CDH13: variants seen among roughly 807,000 people sequenced by gnomAD.
CDH13 encodes cadherin-13.
Under a neutral mutation model 63.8 loss-of-function variants are expected in CDH13, and 24 were observed. The ratio of observed to expected loss-of-function variants is 0.38; its 90% CI spans 0.27 to 0.53. CDH13 has a LOEUF of 0.53. Among genes scored for constraint, CDH13 ranks in the 20% least tolerant of loss-of-function variants. CDH13 has a pLI of 0.85. For synonymous variants in CDH13, 503 were observed against 355.3 expected (o/e 1.42, Z -4.67); for missense variants, 1,049 against 903.1 (o/e 1.16, Z -2.07).
At chr16:83,240,525 G>T (rs1256461304) in intron 5 of CDH13, among the ~76,000 whole-genome samples, 1 of 152,084 alleles carries the variant, frequency 6.6e-6, no homozygotes, top group East Asian at 1.9e-4. Flanking sequence ...CATGGCCAAG[G>T]TGGAGGTGAT....
intron 5 of CDH13, among the ~76,000 whole-genome samples, chr16:83,320,725 C>T (rs1299934041): frequency 6.6e-6 from 1 of 152,120 alleles, no homozygotes; most frequent in Non-Finnish European, 1.5e-5. Flanking sequence ...GTCATTAGTT[C>T]CGGTTGCTTA....
At chr16:82,834,327 T>G (rs1381582333) in intron 1 of CDH13, among the ~76,000 whole-genome samples, 1 of 152,118 alleles carries the variant, frequency 6.6e-6, no homozygotes, top group Non-Finnish European at 1.5e-5. Context: ...GAGAGAGATT[T>G]CAAAACCACC....
chr16:83,564,391 G>A (rs988718249), intron 7 of CDH13, among the ~76,000 whole-genome samples: 28 of 143,246 alleles, frequency 2.0e-4, no homozygotes, highest in African/African-American at 6.6e-4. Context: ...TGACATATGG[G>A]ATGACTCTTT....
At chr16:82,821,167 G>T (rs2037985788) in intron 1 of CDH13, among the ~76,000 whole-genome samples, 1 of 152,126 alleles carries the variant, frequency 6.6e-6, no homozygotes, top group South Asian at 2.1e-4. Flanking sequence ...TGCATTCACA[G>T]TTCTCATCTG....
Position 83,081,365 on chromosome 16 carries a change from C to G in CDH13, c.367-44020C>G, listed in dbSNP as rs189753845. 5.1e-3 allele frequency among the ~76,000 whole-genome samples: 770 copies of G among 152,252 alleles called. 3 individuals carry two copies. Among genetic ancestry groups the G allele is most frequent in the Non-Finnish European group, 9.1e-3 (618 of 68,016 alleles). ...TACAGTTGAAGACGGGCATTGAACA[C>G]AGGATCACAGCTATGCTAATAGGGG... is the stretch of plus-strand genomic sequence containing the variant. On this transcript the variant is annotated intron_variant, in intron 3 of 13. Transcript: ENST00000567109.
intron 7 of CDH13, among the ~76,000 whole-genome samples, chr16:83,503,440 C>T (rs1423223040): frequency 6.6e-6 from 1 of 152,100 alleles, no homozygotes; most frequent in Non-Finnish European, 1.5e-5. Context: ...TGCCTCTGCC[C>T]AGGAGGAGGG....
chr16:83,003,099 G>T (rs1284819639), intron 2 of CDH13, among the ~76,000 whole-genome samples: 4 of 152,148 alleles, frequency 2.6e-5, no homozygotes, highest in Non-Finnish European at 5.9e-5. Flanking sequence ...GCCAACCCCA[G>T]TGTCCTTTCC....
intron 6 of CDH13, among the ~76,000 whole-genome samples, chr16:83,440,585 G>A (rs901850910): frequency 2.0e-5 from 3 of 152,072 alleles, no homozygotes; most frequent in African/African-American, 7.2e-5. Flanking sequence ...AGGAGTTCGA[G>A]ACCAGCCTGG....
At chr16:83,775,733 G>T (rs552531409) in intron 11 of CDH13, among the ~76,000 whole-genome samples, 2 of 151,622 alleles carry the variant, frequency 1.3e-5, no homozygotes, top group African/African-American at 2.4e-5. Context: ...TAAAAAAAAA[G>T]AAAAAAGAAA....
chr16:83,161,275 A>G (rs1417497922), intron 4 of CDH13, among the ~76,000 whole-genome samples: 2 of 152,180 alleles, frequency 1.3e-5, no homozygotes, highest in Non-Finnish European at 2.9e-5. Context: ...CATGTCTGTA[A>G]TCCTAGCACT....
intron 6 of CDH13, among the ~76,000 whole-genome samples, chr16:83,455,074 C>T (rs1029887276): frequency 6.6e-6 from 1 of 152,162 alleles, no homozygotes; most frequent in Non-Finnish European, 1.5e-5. Context: ...AAAATCGGAG[C>T]CATTGTTATC....
At chr16:83,280,750 C>G (rs1378458947) in intron 5 of CDH13, among the ~76,000 whole-genome samples, 1 of 152,202 alleles carries the variant, frequency 6.6e-6, no homozygotes, top group Non-Finnish European at 1.5e-5. Context: ...AAAATTACTC[C>G]TTGATCCATG....
At chr16:83,728,930 T>C in intron 10 of CDH13, 1 of 153,678 alleles carries the variant, frequency 6.5e-6, no homozygotes, top group South Asian at 1.8e-4. Context: ...GGGAGGGCTC[T>C]CTTTCTGGCT....
intron 2 of CDH13, among the ~76,000 whole-genome samples, chr16:83,013,595 A>G (rs1914378701): frequency 6.6e-6 from 1 of 152,228 alleles, no homozygotes; most frequent in Non-Finnish European, 1.5e-5. Flanking sequence ...TCTCCTGTCC[A>G]TCTCACCACA....
intron 5 of CDH13, among the ~76,000 whole-genome samples, chr16:83,223,071 A>ATTGCTTCCAT (rs71148822): frequency 0.76 from 115,607 of 151,804 alleles, 45,043 homozygotes; most frequent in East Asian, 0.96. Context: ...AAGGGGCAAA[A>ATTGCTTCCAT]TTGAGAACCA....
At chr16:82,863,038 C>A (rs12596959) in intron 2 of CDH13, among the ~76,000 whole-genome samples, 1 of 152,144 alleles carries the variant, frequency 6.6e-6, no homozygotes, top group African/African-American at 2.4e-5. Flanking sequence ...CTAATCATGT[C>A]GCCAACCTAA....
At chr16:83,699,167 A>G (rs1905839167) in intron 10 of CDH13, among the ~76,000 whole-genome samples, 1 of 152,252 alleles carries the variant, frequency 6.6e-6, no homozygotes, top group Non-Finnish European at 1.5e-5. Context: ...AAGCACGGGC[A>G]TTGTGAAACA....
intron 7 of CDH13, among the ~76,000 whole-genome samples, chr16:83,502,576 T>G (rs1341420851): frequency 1.3e-5 from 2 of 152,172 alleles, no homozygotes; most frequent in South Asian, 4.1e-4. Flanking sequence ...TAACCTTTTT[T>G]ATATGGTTTG....
At chr16:83,692,148 A>G (rs1376882127) in intron 10 of CDH13, among the ~76,000 whole-genome samples, 1 of 152,158 alleles carries the variant, frequency 6.6e-6, no homozygotes, top group Non-Finnish European at 1.5e-5. Flanking sequence ...ACCAGACCCA[A>G]TAGCTTGCTC....
Sources: allele counts gnomAD v4.1 joint callset (sites outside exome capture counted in the v4.1 genomes callset), GRCh38; gene constraint gnomAD v4.1.1; transcripts MANE v1.5; gene names NCBI Gene and HGNC (gene_info 2026-07-23, HGNC 2026-07-21).